The following FXYD7 variants were observed in gnomAD, a reference collection of about 807,000 sequenced individuals.
The protein encoded by FXYD7 is FXYD domain-containing ion transport regulator 7.
In FXYD7, 7 loss-of-function variants were observed where a neutral mutation model predicts 15.3. That is an observed-to-expected ratio of 0.46 (90% confidence interval 0.26 to 0.86). The LOEUF is 0.86. FXYD7 is among the 40% of genes least tolerant of loss of function. FXYD7 has a pLI of 0.16. For missense variants in FXYD7, 78 were observed against 100.6 expected, an observed-to-expected ratio of 0.78 and a Z score of 0.96; for synonymous variants, 39 against 39.3, an observed-to-expected ratio of 0.99 and a Z score of 0.03.
chr19:35,144,596 C>T (rs2065281953), intron 1 of FXYD7, among the ~76,000 whole-genome samples: 1 of 143,546 alleles, frequency 7.0e-6, no homozygotes, highest in Admixed American at 7.1e-5. Context: ...TCCCAGCAGG[C>T]GGGGGCTGCT....
intron 1 of FXYD7, among the ~76,000 whole-genome samples, chr19:35,148,026 G>GGAAAGTAAGAAAGAAA (rs1555736953): frequency 1.1e-5 from 1 of 88,492 alleles, no homozygotes; most frequent in East Asian, 3.1e-4. Context: ...GAAGAAAGAA[G>GGAAAGTAAGAAAGAAA]GAAAGAAAGA....
intron 5 of FXYD7, 66 bp from the exon 6 acceptor site, chr19:35,153,828 A>C: frequency 1.3e-6 from 2 of 1,503,610 alleles, no homozygotes; most frequent in Non-Finnish European, 1.9e-6. Flanking sequence ...ATGGAGAGCC[A>C]ACGAGCTGTG....
rs933338824 is a variant in FXYD7 at position 35,143,740 on chromosome 19, A to G, written c.31+376A>G. On this transcript the variant is annotated intron_variant, in intron 1 of 5. Transcript: ENST00000270310. This position sits in a 1 kb window ranked among gnomAD's most constrained non-coding sequence, Gnocchi z 4.3. ...GACCAGAGACGTTCTGGAAGATTTCAGGGTCCCTGGGGTGGGCAAGGGAAG... is the reference window on the plus strand; with the variant it reads ...GACCAGAGACGTTCTGGAAGATTTCGGGGTCCCTGGGGTGGGCAAGGGAAG... Among the ~76,000 whole-genome samples the G allele has an allele frequency of 1.3e-5, 2 of 152,104 alleles. No homozygotes were observed. Among genetic ancestry groups the G allele is most frequent in the African/African-American group, 2.4e-5 (1 of 41,430 alleles).
intron 4 of FXYD7, 71 bp from the exon 5 acceptor site, chr19:35,151,562 C>T: frequency 2.5e-6 from 4 of 1,589,674 alleles, no homozygotes; most frequent in Non-Finnish European, 3.5e-6. Context: ...CTGGGCCTGC[C>T]ATGCGTTTTC....
intron 1 of FXYD7, among the ~76,000 whole-genome samples, chr19:35,145,990 T>C (rs2065287673): frequency 6.6e-6 from 1 of 152,092 alleles, no homozygotes; most frequent in African/African-American, 2.4e-5. Flanking sequence ...TTTCCCAGCC[T>C]GGTCTCAAAC....
At chr19:35,148,577 C>A in intron 1 of FXYD7, 117 bp from the exon 2 acceptor site, 1 of 857,922 alleles carries the variant, frequency 1.2e-6, no homozygotes. Flanking sequence ...GGGTCTCTAT[C>A]TGACTTCCAC....
chr19:35,143,385 G>T lies in FXYD7; in HGVS notation c.31+21G>T. 6.7e-7 allele frequency: 1 copy of T among 1,495,584 alleles called. No individual in the cohort carries two copies. The highest frequency in any genetic ancestry group is 8.9e-7 in the Non-Finnish European group (1 of 1,122,016). The allele number at this position is 1,495,584 out of a possible 1,614,324, so 92.6% of individuals were successfully genotyped here. Reference sequence around the variant, plus strand: ...AAAGGGTGAGCGTCGTTTGGGGAGGGGGTTGCAGGGGGGCTCCGGGATCTG... The same window carrying T: ...AAAGGGTGAGCGTCGTTTGGGGAGGTGGTTGCAGGGGGGCTCCGGGATCTG... On this transcript the variant is annotated intron_variant, in intron 1 of 5. Transcript: ENST00000270310. The surrounding 1 kb of genome is among the most constrained non-coding windows in gnomAD (Gnocchi z 4.3).
In FXYD7 at chr19:35,151,235, C is replaced by G; in HGVS notation, c.62-19C>G. On this transcript the variant is annotated intron_variant, in intron 2 of 5. Transcript: ENST00000270310. ...CAAGGTGCTGTCCCTGCCTCGATGT[C>G]CCCCATTATCTTCCCCAGACTACAA... 6.6e-7 allele frequency: 1 copy of G among 1,525,564 alleles called. No homozygotes were observed. The highest frequency in any genetic ancestry group is 9.1e-7 in the Non-Finnish European group (1 of 1,099,310). The allele number at this position is 1,525,564 out of a possible 1,614,324, so 94.5% of individuals were successfully genotyped here. A position where few individuals can be genotyped will look rare whatever the true frequency, so the allele number is the denominator to read the frequency against.
chr19:35,151,364 C>G (rs371802544), intron 3 of FXYD7, 36 bp downstream of exon 3: 128 of 1,596,412 alleles, frequency 8.0e-5, no homozygotes, highest in Non-Finnish European at 9.8e-5. Context: ...CCTCAGCCTC[C>G]GCTTCCTCTG....
intron 2 of FXYD7, chr19:35,149,610 A>T (rs1254254043): frequency 6.5e-6 from 1 of 154,502 alleles, no homozygotes; most frequent in Non-Finnish European, 1.4e-5. Context: ...CCATAAATTC[A>T]TATCTCAACA....
intron 5 of FXYD7, among the ~76,000 whole-genome samples, chr19:35,152,740 G>T (rs1052381228): frequency 1.3e-5 from 2 of 151,692 alleles, no homozygotes; most frequent in African/African-American, 4.8e-5. Context: ...AGGGAGAATG[G>T]GTGTAAGCAT....
chr19:35,144,581 G>A (rs1378584834), intron 1 of FXYD7, among the ~76,000 whole-genome samples: 1 of 150,042 alleles, frequency 6.7e-6, no homozygotes, highest in East Asian at 2.0e-4. Flanking sequence ...CCTCCCTTCC[G>A]CGCTTCCCAG....
intron 1 of FXYD7, among the ~76,000 whole-genome samples, chr19:35,146,100 C>A (rs759269239): frequency 6.6e-6 from 1 of 151,976 alleles, no homozygotes; most frequent in Admixed American, 6.6e-5. Flanking sequence ...TTGAAAACAA[C>A]GAGCTTTATT....
At chr19:35,146,505 C>T (rs2065289440) in intron 1 of FXYD7, among the ~76,000 whole-genome samples, 1 of 152,150 alleles carries the variant, frequency 6.6e-6, no homozygotes, top group Non-Finnish European at 1.5e-5. Flanking sequence ...GGTGATTTCG[C>T]TTTTCTGGGT....
chr19:35,144,703 A>C (rs2065282785), intron 1 of FXYD7, among the ~76,000 whole-genome samples: 1 of 137,444 alleles, frequency 7.3e-6, no homozygotes, highest in Non-Finnish European at 1.5e-5. Context: ...GGGCTGAGGC[A>C]GCAGGCCTGG....
intron 2 of FXYD7, chr19:35,149,491 C>T (rs1217170383): frequency 4.2e-5 from 7 of 168,482 alleles, no homozygotes; most frequent in African/African-American, 9.5e-5. Flanking sequence ...CAGCTGGTGT[C>T]GCATGACTTG....
At chr19:35,153,033 C>CTTTGTTTTTTTTTTTTGTTTT (rs1555737607) in intron 5 of FXYD7, among the ~76,000 whole-genome samples, 1 of 44,142 alleles carries the variant, frequency 2.3e-5, no homozygotes. Context: ...TTTCACGTTC[C>CTTTGTTTTTTTTTTTTGTTTT]TTTTTTTTTT....
At chr19:35,145,219 A>T (rs1221275663) in intron 1 of FXYD7, among the ~76,000 whole-genome samples, 3 of 152,130 alleles carry the variant, frequency 2.0e-5, no homozygotes, top group Non-Finnish European at 4.4e-5. Context: ...ACCTCCCAAG[A>T]TGCCCCAGTT....
Position 35,143,481 on chromosome 19 carries a change from GCTC to G in FXYD7, c.31+123_31+125del. 2.5e-6 allele frequency: 2 copies of G among 793,458 alleles called. No individual in the cohort carries two copies. Among genetic ancestry groups the G allele is most frequent in the Non-Finnish European group, 3.7e-6 (2 of 540,140 alleles). The allele number at this position is 793,458 out of a possible 1,614,324, so 49.2% of individuals were successfully genotyped here. On this transcript the variant is annotated intron_variant, in intron 1 of 5. Transcript: ENST00000270310. This position sits in a 1 kb window ranked among gnomAD's most constrained non-coding sequence, Gnocchi z 4.3. Reference sequence around the variant, plus strand: ...CAAGGGAGTTGGGGGAGGGAGGTCCGCTCCTCCTGTGGGCGGAAGCCCCTGTAA... The same window carrying G: ...CAAGGGAGTTGGGGGAGGGAGGTCCGCTCCTGTGGGCGGAAGCCCCTGTAA...
Sources: gnomAD v4.1 joint callset for allele counts (sites outside exome capture counted in the v4.1 genomes callset) on GRCh38, gnomAD v4.1.1 for gene constraint, Gnocchi (gnomAD v3.1) non-coding constraint, MANE v1.5 for transcripts, NCBI Gene and HGNC (gene_info 2026-07-23, HGNC 2026-07-21) for gene names.